HNRNPH1: variants seen among roughly 807,000 people sequenced by gnomAD.
The protein encoded by HNRNPH1 is heterogeneous nuclear ribonucleoprotein H.
Under a neutral mutation model 58.6 loss-of-function variants are expected in HNRNPH1, and 4 were observed. That is an observed-to-expected ratio of 0.07 (90% CI 0.03 to 0.16). HNRNPH1 has a LOEUF of 0.16. Among genes scored for constraint, HNRNPH1 ranks in the 10% least tolerant of loss-of-function variants. HNRNPH1 has a pLI of 1.00. For missense variants in HNRNPH1, 271 were observed against 564.2 expected, an observed-to-expected ratio of 0.48 and a Z score of 5.26; for synonymous variants, 192 against 189.2, an observed-to-expected ratio of 1.01 and a Z score of -0.12.
At chr5:179,627,862 C>T (rs959018485), upstream of HNRNPH1, among the ~76,000 whole-genome samples, 8 of 149,210 alleles carry the variant, frequency 5.4e-5, no homozygotes, top group African/African-American at 2.0e-4. Context: ...GTGGAGGTTG[C>T]AGTGAGCAGA....
intron 1 of HNRNPH1, 74 bp downstream of exon 2, chr5:179,622,963 C>T (rs1309578794): frequency 2.7e-4 from 50 of 182,124 alleles, no homozygotes; most frequent in Middle Eastern, 2.5e-3. Context: ...CCCCGCCCCG[C>T]CCCAGCCCGG....
chr5:179,621,187 A>G, intron 2 of HNRNPH1, 55 bp downstream of exon 3: 5 of 1,555,140 alleles, frequency 3.2e-6, no homozygotes, highest in Non-Finnish European at 4.4e-6. Context: ...AGAAGGGGTG[A>G]GACCTCTATT....
rs764653161 is a variant in HNRNPH1, at chr5:179,617,483, TAA to T, written c.1057+29_1057+30del. ...AAATGTTAGTCACACAATCACCTGT[TAA>T]GAGCCCACAAATGCTCAATCACACT... On this transcript the variant is annotated intron_variant, in intron 8 of 12. Transcript: ENST00000356731. 3.5e-5 allele frequency: 57 copies of T among 1,607,386 alleles called. No homozygotes were observed. The African/African-American group carries it at 7.3e-4, about 21-fold the overall frequency.
chr5:179,631,620 G>GC (rs1774835554), intron 2 of HNRNPH1, among the ~76,000 whole-genome samples: 1 of 152,132 alleles, frequency 6.6e-6, no homozygotes, highest in Admixed American at 6.6e-5. Flanking sequence ...AGTGGCGTAG[G>GC]CCTGTAATCC....
At chr5:179,623,849 C>T (rs1363000634) in exon 1 of HNRNPH1, 1 of 152,312 alleles carries the variant, frequency 6.6e-6, no homozygotes, top group Non-Finnish European at 1.5e-5. Context: ...GCTCAGCACC[C>T]CCACCCATAA....
At position 179,620,872 on chromosome 5, in the gene HNRNPH1, CAACA is replaced by C. The variant is rs1772015671; in HGVS notation, c.397+16_397+19del. The C allele has an allele frequency of 7.4e-6, 12 of 1,612,016 alleles. No individual in the cohort carries two copies. In the East Asian group the frequency reaches 2.7e-4, roughly 36 times the overall value. On this transcript the variant is annotated intron_variant, in intron 3 of 12. Transcript: ENST00000356731. Reference sequence around the variant, plus strand: ...AAGCTAGCCAAAACTCACTGCTCAGCAACAAACATGACTACATACCTGAGAAGAA... The same window carrying C: ...AAGCTAGCCAAAACTCACTGCTCAGCAACATGACTACATACCTGAGAAGAA...
rs2127632124 is a variant in HNRNPH1 at position 179,617,951 on chromosome 5, A to ATT, written c.788-20_788-19insAA. 6.2e-7 allele frequency: 1 copy of ATT among 1,614,084 alleles called. No individual in the cohort carries two copies. ...TTGAGGTCTAGATGGACAAGAGTGTAAGCATCCTTCAACTGAGAAATTCAA... is the reference window on the plus strand; with the variant it reads ...TTGAGGTCTAGATGGACAAGAGTGTATTAGCATCCTTCAACTGAGAAATTCAA... On this transcript the variant is annotated intron_variant, in intron 6 of 12. Coordinates refer to ENST00000356731, the Ensembl canonical transcript of HNRNPH1.
intron 3 of HNRNPH1, chr5:179,619,704 A>G (rs180746004): frequency 2.0e-5 from 4 of 205,036 alleles, no homozygotes; most frequent in Admixed American, 5.9e-5. Context: ...AATGTTGAGA[A>G]TTATACAATT....
chr5:179,617,697 CA>C (rs753437288), intron 7 of HNRNPH1, 48 bp from the exon 9 acceptor site: 3 of 1,601,556 alleles, frequency 1.9e-6, no homozygotes, highest in Non-Finnish European at 8.5e-7. Flanking sequence ...TCTAACGTTA[CA>C]AAAAAAACCT....
chr5:179,625,519 A>G (rs1581760685), upstream of HNRNPH1, among the ~76,000 whole-genome samples: 1 of 150,364 alleles, frequency 6.7e-6, no homozygotes, highest in Admixed American at 6.6e-5. Flanking sequence ...TTAGCCAGGC[A>G]TGGTGATGCA....
At chr5:179,616,840 TG>T (rs1440488583) in intron 10 of HNRNPH1, 28 bp downstream of exon 11, 3 of 1,568,708 alleles carry the variant, frequency 1.9e-6, no homozygotes, top group African/African-American at 1.4e-5. Context: ...ATAAACGTTT[TG>T]GTTTTTAAAA....
intron 10 of HNRNPH1, chr5:179,616,630 T>C (rs1769853908): frequency 1.8e-6 from 1 of 548,622 alleles, no homozygotes; most frequent in Middle Eastern, 4.8e-4. Context: ...AAAATTTAAG[T>C]AGTTTCACTC....
At chr5:179,621,573 T>C in intron 1 of HNRNPH1, 176 bp from the exon 3 acceptor site, 4 of 598,266 alleles carry the variant, frequency 6.7e-6, no homozygotes, top group Non-Finnish European at 1.2e-5. Flanking sequence ...ACAAACTCAT[T>C]CCTAAGGTGA....
At chr5:179,618,502 AAGAC>A in intron 4 of HNRNPH1, 179 bp from the exon 6 acceptor site, 1 of 482,082 alleles carries the variant, frequency 2.1e-6, no homozygotes, top group Non-Finnish European at 3.6e-6. Flanking sequence ...AATAAATAGT[AAGAC>A]AATGTAAACT....
intron 1 of HNRNPH1, 139 bp downstream of exon 2, chr5:179,622,887 GTCGCCCGCGCC>G (rs1773252242): frequency 7.7e-6 from 1 of 129,308 alleles, no homozygotes; most frequent in Admixed American, 8.5e-5. Context: ...GGTGAGTGTA[GTCGCCCGCGCC>G]TCGCCAGGGG....
At chr5:179,630,222 GC>G (rs1562370053) in intron 2 of HNRNPH1, among the ~76,000 whole-genome samples, 1 of 152,040 alleles carries the variant, frequency 6.6e-6, no homozygotes. Flanking sequence ...GCTGGCAGAT[GC>G]CTGTAATCCC....
upstream of HNRNPH1, chr5:179,629,063 C>CAA (rs1774610337): frequency 2.0e-5 from 3 of 149,168 alleles, no homozygotes; most frequent in Non-Finnish European, 3.0e-5. Flanking sequence ...TTTGGGAGGC[C>CAA]GAGGTGGGCA....
exon 13 of HNRNPH1, chr5:179,614,409 A>C (rs1338837302): frequency 6.5e-6 from 1 of 153,234 alleles, no homozygotes. Context: ...TAGAATTAAC[A>C]AACATGCCAA....
At chr5:179,616,251 T>TAA in intron 10 of HNRNPH1, 33 bp from the exon 12 acceptor site, 2 of 1,541,238 alleles carry the variant, frequency 1.3e-6, no homozygotes, top group Non-Finnish European at 1.8e-6. Context: ...GAACCTTTTT[T>TAA]CTTATGTGAT....
Sources: allele counts gnomAD v4.1 joint callset (sites outside exome capture counted in the v4.1 genomes callset), GRCh38; gene constraint gnomAD v4.1.1; transcripts MANE v1.5; gene names NCBI Gene and HGNC (gene_info 2026-07-23, HGNC 2026-07-21).